The following UBAC2 variants were observed in gnomAD, a reference collection of about 807,000 sequenced individuals.
UBAC2 encodes the protein ubiquitin-associated domain-containing protein 2.
A neutral mutation model predicts 44.0 loss-of-function variants in UBAC2; 26 were observed. The observed-to-expected ratio is 0.59, with a 90% CI of 0.43 to 0.82. UBAC2 has a LOEUF of 0.82. Ranked by LOEUF, UBAC2 falls within the 40% of genes least tolerant of loss-of-function variation. The pLI is 0.00. For synonymous variants in UBAC2, 155 were observed against 154.3 expected (o/e 1.00, Z -0.04); for missense variants, 329 against 419.4 (o/e 0.78, Z 1.88).
chr13:99,251,243 G>A (rs2043454927), intron 4 of UBAC2, among the ~76,000 whole-genome samples: 1 of 152,200 alleles, frequency 6.6e-6, no homozygotes, highest in Non-Finnish European at 1.5e-5. Flanking sequence ...CGAAACTCTA[G>A]TGAAGTTGTT....
chr13:99,276,532 T>G (rs758137581), intron 4 of UBAC2, among the ~76,000 whole-genome samples: 6 of 152,234 alleles, frequency 3.9e-5, no homozygotes, highest in Non-Finnish European at 7.3e-5. Flanking sequence ...GGAGCTCTCG[T>G]GCCTTCTGTG....
intron 4 of UBAC2, among the ~76,000 whole-genome samples, chr13:99,275,265 T>G (rs551312286): frequency 6.6e-6 from 1 of 152,254 alleles, no homozygotes; most frequent in East Asian, 1.9e-4. Context: ...ATTGGAAGAC[T>G]CACAGTGCTG....
At chr13:99,344,487 C>T (rs1461803565) in intron 7 of UBAC2, among the ~76,000 whole-genome samples, 1 of 152,178 alleles carries the variant, frequency 6.6e-6, no homozygotes, top group Non-Finnish European at 1.5e-5. Flanking sequence ...TAGGCAATCT[C>T]ATGCTGTGTA....
chr13:99,358,718 G>A (rs2045223772), intron 7 of UBAC2, among the ~76,000 whole-genome samples: 1 of 152,200 alleles, frequency 6.6e-6, no homozygotes. Flanking sequence ...CAGTGAGAGT[G>A]AGGGTGGAGA....
chr13:99,256,121 A>G (rs1049573625), intron 4 of UBAC2, among the ~76,000 whole-genome samples: 2 of 152,214 alleles, frequency 1.3e-5, no homozygotes, highest in Non-Finnish European at 2.9e-5. Flanking sequence ...CCCACTGTCT[A>G]TTGAGCATGT....
At chr13:99,213,165 T>C (rs982433578) in intron 1 of UBAC2, among the ~76,000 whole-genome samples, 2 of 152,198 alleles carry the variant, frequency 1.3e-5, no homozygotes, top group Non-Finnish European at 2.9e-5. Context: ...TTGATGTTCT[T>C]CCAACATCTC....
chr13:99,201,351 C>T (rs1279969343), intron 1 of UBAC2: 23 of 1,553,732 alleles, frequency 1.5e-5, no homozygotes, highest in East Asian at 2.4e-5. Context: ...ACTAACTCCC[C>T]CCGCCCCCAC....
At chr13:99,255,065 A>C in intron 4 of UBAC2, 2 of 1,614,106 alleles carry the variant, frequency 1.2e-6, no homozygotes, top group South Asian at 1.1e-5. Context: ...AAGGTGGTAA[A>C]GGCTCCCCAG....
intron 1 of UBAC2, among the ~76,000 whole-genome samples, chr13:99,220,476 TA>T (rs1448573856): frequency 1.3e-5 from 2 of 152,242 alleles, no homozygotes; most frequent in Non-Finnish European, 2.9e-5. Context: ...GCCTGATTAG[TA>T]TTTATTGCCT....
At chr13:99,373,455 A>G (rs1051357843) in intron 8 of UBAC2, among the ~76,000 whole-genome samples, 2 of 152,208 alleles carry the variant, frequency 1.3e-5, no homozygotes, top group African/African-American at 2.4e-5. Context: ...TCTTTCCTTT[A>G]GCTGACAGTG....
intron 7 of UBAC2, among the ~76,000 whole-genome samples, chr13:99,345,649 G>C (rs1315653155): frequency 1.3e-5 from 2 of 152,070 alleles, no homozygotes; most frequent in African/African-American, 4.8e-5. Context: ...CCTCTCTCCT[G>C]GGGCTCCAGA....
At chr13:99,284,760 G>C (rs1180458145) in intron 4 of UBAC2, among the ~76,000 whole-genome samples, 1 of 152,086 alleles carries the variant, frequency 6.6e-6, no homozygotes, top group East Asian at 1.9e-4. Context: ...AGTCTGTCTT[G>C]GGCGACCTTG....
intron 2 of UBAC2, among the ~76,000 whole-genome samples, chr13:99,240,982 G>A (rs1442576179): frequency 6.6e-6 from 1 of 152,156 alleles, no homozygotes; most frequent in Non-Finnish European, 1.5e-5. Flanking sequence ...ACAGTTGGCT[G>A]GGTGTGGTGG....
chr13:99,300,878 A>C (rs2044247875), intron 4 of UBAC2, among the ~76,000 whole-genome samples: 1 of 152,200 alleles, frequency 6.6e-6, no homozygotes. Flanking sequence ...TGGATAGTAT[A>C]GTTATCTTTT....
At chr13:99,294,061 ATAT>A (rs1170761986) in intron 4 of UBAC2, among the ~76,000 whole-genome samples, 4 of 152,166 alleles carry the variant, frequency 2.6e-5, no homozygotes, top group Non-Finnish European at 4.4e-5. Flanking sequence ...CAAGTATATA[ATAT>A]TGTAAAGAAT....
chr13:99,244,289 G>A (rs1337881596), intron 3 of UBAC2, among the ~76,000 whole-genome samples: 4 of 151,616 alleles, frequency 2.6e-5, no homozygotes, highest in African/African-American at 9.7e-5. Flanking sequence ...TAAAAATTAT[G>A]GCTGTTAATA....
intron 4 of UBAC2, among the ~76,000 whole-genome samples, chr13:99,276,050 T>G (rs1245091329): frequency 6.6e-6 from 1 of 152,204 alleles, no homozygotes; most frequent in Non-Finnish European, 1.5e-5. Flanking sequence ...GTATTGTATT[T>G]GTACTGTCAG....
intron 8 of UBAC2, among the ~76,000 whole-genome samples, chr13:99,382,562 C>G (rs2045565090): frequency 6.6e-6 from 1 of 152,186 alleles, no homozygotes; most frequent in South Asian, 2.1e-4. Flanking sequence ...ACACTCAGTT[C>G]TGGGCGCGGT....
chr13:99,291,081 G>C (rs746104805), intron 4 of UBAC2, among the ~76,000 whole-genome samples: 14 of 152,190 alleles, frequency 9.2e-5, no homozygotes, highest in Admixed American at 6.5e-5. Flanking sequence ...GGACCGGAGA[G>C]TGTGGGATTA....
Sources: gnomAD v4.1 joint callset for allele counts (sites outside exome capture counted in the v4.1 genomes callset) on GRCh38, gnomAD v4.1.1 for gene constraint, MANE v1.5 for transcripts, NCBI Gene and HGNC (gene_info 2026-07-23, HGNC 2026-07-21) for gene names.